Variants in PTPRG observed in about 807,000 individuals in gnomAD.
PTPRG encodes receptor-type tyrosine-protein phosphatase gamma.
In PTPRG, 102 loss-of-function variants were observed where a neutral mutation model predicts 165.3. That is an observed-to-expected ratio of 0.62 (90% CI 0.53 to 0.73). PTPRG has a LOEUF of 0.73. PTPRG is among the 30% of genes least tolerant of loss of function. The pLI is 0.00. For missense variants in PTPRG, 1,866 were observed against 1,861.4 expected (o/e 1.00, Z -0.05); for synonymous variants, 675 against 669.5 (o/e 1.01, Z -0.13).
chr3:61,970,741 T>G (rs1035239586), intron 2 of PTPRG, among the ~76,000 whole-genome samples: 1 of 152,180 alleles, frequency 6.6e-6, no homozygotes, highest in Non-Finnish European at 1.5e-5. Flanking sequence ...CACATTTAAT[T>G]CTTCTTGGCT....
At chr3:61,894,886 A>G (rs986105742) in intron 2 of PTPRG, among the ~76,000 whole-genome samples, 2 of 151,980 alleles carry the variant, frequency 1.3e-5, no homozygotes, top group Non-Finnish European at 2.9e-5. Flanking sequence ...GTTAAATGCA[A>G]TGCTAGCATC....
rs1700556172 is a variant in PTPRG, at chr3:62,218,122, A to G, written c.2156-729A>G. On this transcript the variant is annotated intron_variant, in intron 12 of 29. Coordinates refer to ENST00000474889, the MANE Select transcript of PTPRG (RefSeq NM_002841.4). ...ATCTGGGTGGTAGGAGCCCACGGAC[A>G]GAAGCACCTAGGTGCTCCTGCTGGG... 5.3e-5 allele frequency among the ~76,000 whole-genome samples: 8 copies of G among 152,176 alleles called. 1 individual carries two copies. Among genetic ancestry groups the G allele is most frequent in the Admixed American group, 5.2e-4 (8 of 15,284 alleles).
intron 2 of PTPRG, among the ~76,000 whole-genome samples, chr3:61,870,012 G>A (rs1019987926): frequency 6.6e-6 from 1 of 151,798 alleles, no homozygotes; most frequent in Non-Finnish European, 1.5e-5. Flanking sequence ...CTCCCCCTTC[G>A]ACTTGTCCTC....
At chr3:61,889,498 A>G (rs1052414153) in intron 2 of PTPRG, among the ~76,000 whole-genome samples, 8 of 152,224 alleles carry the variant, frequency 5.3e-5, no homozygotes. Flanking sequence ...TGATAGTGAC[A>G]TGTTTACATA....
intron 5 of PTPRG, among the ~76,000 whole-genome samples, chr3:62,081,641 G>A (rs886558): frequency 0.29 from 44,657 of 152,120 alleles, 8,557 homozygotes; most frequent in African/African-American, 0.55. Flanking sequence ...CACTGCGCCC[G>A]GCCCCTTTGT....
intron 2 of PTPRG, among the ~76,000 whole-genome samples, chr3:61,944,575 C>T (rs990025333): frequency 6.6e-6 from 1 of 152,148 alleles, no homozygotes; most frequent in African/African-American, 2.4e-5. Flanking sequence ...TTTCACAGGG[C>T]CAGACAGCCT....
At chr3:62,019,805 C>G (rs1188328364) in intron 4 of PTPRG, among the ~76,000 whole-genome samples, 1 of 152,146 alleles carries the variant, frequency 6.6e-6, no homozygotes, top group Non-Finnish European at 1.5e-5. Flanking sequence ...AACAAAAACT[C>G]TTACAATAAT....
chr3:61,760,723 C>A (rs955496339), intron 2 of PTPRG, among the ~76,000 whole-genome samples: 2 of 152,214 alleles, frequency 1.3e-5, no homozygotes, highest in African/African-American at 4.8e-5. Flanking sequence ...TTAAGCCCAG[C>A]ATGCATTAGC....
chr3:61,793,277 G>C (rs1454374658), intron 2 of PTPRG, among the ~76,000 whole-genome samples: 1 of 152,132 alleles, frequency 6.6e-6, no homozygotes, highest in Non-Finnish European at 1.5e-5. Flanking sequence ...TGTCACCTGG[G>C]CTTGTGGTGT....
intron 5 of PTPRG, among the ~76,000 whole-genome samples, chr3:62,097,910 A>G (rs1428597545): frequency 6.6e-6 from 1 of 152,234 alleles, no homozygotes; most frequent in Non-Finnish European, 1.5e-5. Flanking sequence ...GCACATTATG[A>G]TGTTAAGAAA....
intron 2 of PTPRG, among the ~76,000 whole-genome samples, chr3:61,881,074 T>C (rs1239279237): frequency 6.6e-6 from 1 of 152,162 alleles, no homozygotes; most frequent in Non-Finnish European, 1.5e-5. Context: ...ACAAGGGTTT[T>C]TTTTTTCCAG....
intron 2 of PTPRG, among the ~76,000 whole-genome samples, chr3:61,813,553 G>C (rs1244946596): frequency 2.2e-5 from 3 of 139,334 alleles, no homozygotes; most frequent in Non-Finnish European, 4.7e-5. Flanking sequence ...CTGTGTGTGT[G>C]TGTGTGTGTG....
At chr3:61,579,660 G>T (rs1700239083) in intron 1 of PTPRG, among the ~76,000 whole-genome samples, 1 of 152,212 alleles carries the variant, frequency 6.6e-6, no homozygotes, top group African/African-American at 2.4e-5. Context: ...CTAACAGTGT[G>T]GTGTTTCTGT....
At chr3:61,865,785 G>T (rs1022519517) in intron 2 of PTPRG, among the ~76,000 whole-genome samples, 2 of 152,136 alleles carry the variant, frequency 1.3e-5, no homozygotes, top group Admixed American at 1.3e-4. Flanking sequence ...TCCTCTGATG[G>T]CCACACAGCC....
intron 8 of PTPRG, among the ~76,000 whole-genome samples, chr3:62,175,761 G>A (rs761726819): frequency 8.5e-5 from 13 of 152,198 alleles, no homozygotes; most frequent in Non-Finnish European, 1.8e-4. Context: ...GCTAAGAGCG[G>A]TAGAGTGTGG....
At chr3:61,848,870 G>A (rs534198995) in intron 2 of PTPRG, among the ~76,000 whole-genome samples, 3 of 152,324 alleles carry the variant, frequency 2.0e-5, no homozygotes, top group South Asian at 4.1e-4. Context: ...ATCTCATAAA[G>A]AGGCAGGTAA....
At chr3:62,158,364 A>T (rs1329557357) in intron 7 of PTPRG, among the ~76,000 whole-genome samples, 1 of 152,204 alleles carries the variant, frequency 6.6e-6, no homozygotes, top group Non-Finnish European at 1.5e-5. Flanking sequence ...TTTGTAAGAA[A>T]GTGGATTTGA....
intron 4 of PTPRG, among the ~76,000 whole-genome samples, chr3:62,017,480 G>T (rs960106080): frequency 6.6e-6 from 1 of 150,914 alleles, no homozygotes; most frequent in Non-Finnish European, 1.5e-5. Flanking sequence ...CAGTGGCGCT[G>T]TCTTGGCTCA....
chr3:61,688,623 G>A (rs2029932093), intron 1 of PTPRG, among the ~76,000 whole-genome samples: 1 of 152,344 alleles, frequency 6.6e-6, no homozygotes, highest in South Asian at 2.1e-4. Flanking sequence ...AAGTCAGAGT[G>A]AAAGAAAGGA....
Sources: allele counts gnomAD v4.1 joint callset (sites outside exome capture counted in the v4.1 genomes callset), GRCh38; gene constraint gnomAD v4.1.1; transcripts MANE v1.5; gene names NCBI Gene and HGNC (gene_info 2026-07-23, HGNC 2026-07-21).